ARMCX4: variants seen among roughly 807,000 people sequenced by gnomAD.
The protein encoded by ARMCX4 is armadillo repeat-containing X-linked protein 4.
A neutral mutation model predicts 34.7 loss-of-function variants in ARMCX4; 3 were observed. The observed-to-expected ratio is 0.09, with a 90% CI of 0.04 to 0.22. The LOEUF (loss-of-function observed/expected upper bound fraction) is 0.22, where lower values mean the gene tolerates loss of function less well. ARMCX4 is among the 10% of genes least tolerant of loss of function. ARMCX4 has a pLI of 1.00. For synonymous variants in ARMCX4, 513 were observed against 632.8 expected, an observed-to-expected ratio of 0.81 and a Z score of 2.84; for missense variants, 1,448 against 1,720.8, an observed-to-expected ratio of 0.84 and a Z score of 2.81.
At position 101,488,994 on chromosome X, in the gene ARMCX4, C is replaced by G. The variant is rs1556007721; in HGVS notation, c.405C>G (p.Val135=). 1 of 1,156,069 alleles carries G rather than the reference C, an allele frequency of 8.6e-7. No homozygotes were observed. The highest frequency in any genetic ancestry group is 1.1e-6 in the Non-Finnish European group (1 of 873,000). ...CAGAGGCAGTGACTCTGACTGAGGTCAAGGCCAAAGCCAGGGAAGTGGCCA... is the reference window on the plus strand; with the variant it reads ...CAGAGGCAGTGACTCTGACTGAGGTGAAGGCCAAAGCCAGGGAAGTGGCCA... ...VMTEAVTLTE[V]KAKAREVAMK... is the part of the protein sequence containing the mutation. The change falls in exon 6 of 6, where the codon GTC becomes GTG. Residue 135 remains valine (V), a synonymous_variant. Transcript: ENST00000423738.
chrX:101,420,821 A>G (rs782411100), intron 2 of ARMCX4, among the ~76,000 whole-genome samples: 21 of 112,645 alleles, frequency 1.9e-4, no homozygotes, highest in African/African-American at 4.2e-4. Context: ...CTTACAAGCC[A>G]TCTTAAGCCA....
chrX:101,524,719 A>G (rs1309321886), intron 11 of ARMCX4, among the ~76,000 whole-genome samples: 1 of 111,609 alleles, frequency 9.0e-6, no homozygotes, highest in Middle Eastern at 4.2e-3. Flanking sequence ...CTAGTGCAGC[A>G]GTCCGAGAGC....
At chrX:101,455,098 G>C (rs1488937243) in intron 4 of ARMCX4, among the ~76,000 whole-genome samples, 1 of 111,589 alleles carries the variant, frequency 9.0e-6, no homozygotes, top group Non-Finnish European at 1.9e-5. Flanking sequence ...CAGTGGGAAA[G>C]AAGAGATTTG....
intron 4 of ARMCX4, among the ~76,000 whole-genome samples, chrX:101,470,622 G>A (rs138075790): frequency 0.031 from 3,486 of 111,752 alleles, 150 homozygotes; most frequent in African/African-American, 0.11. Flanking sequence ...CTGGGCCAGC[G>A]TACTGTTTTT....
At position 101,440,062 on chromosome X, in the gene ARMCX4, A is replaced by C. The variant is rs782029825; in HGVS notation, n.165-3990A>C. On this transcript the variant is annotated intron_variant and non_coding_transcript_variant, in intron 2 of 3. Transcript: ENST00000430461. ...GAGGAGGAGAGGCGCTCTGATTTTTAGAGTTTCCAGTTTTTCTGCTCTGTT... is the reference window on the plus strand; with the variant it reads ...GAGGAGGAGAGGCGCTCTGATTTTTCGAGTTTCCAGTTTTTCTGCTCTGTT... Among the ~76,000 whole-genome samples the C allele has an allele frequency of 7.2e-5, 8 of 111,384 alleles. No individual in the cohort carries two copies. The East Asian group carries it at 2.3e-3, about 32-fold the overall frequency.
chrX:101,440,961 G>A (rs1239661559), intron 2 of ARMCX4, among the ~76,000 whole-genome samples: 14 of 110,677 alleles, frequency 1.3e-4, no homozygotes, highest in African/African-American at 6.6e-5. Flanking sequence ...GCTCATGCTC[G>A]GTGTGCTGCA....
chrX:101,530,282 A>T (rs1403039302), intron 11 of ARMCX4, among the ~76,000 whole-genome samples: 35 of 111,510 alleles, frequency 3.1e-4, no homozygotes, highest in Non-Finnish European at 5.8e-4. Flanking sequence ...GGAATTGAAC[A>T]ATGAGAACAC....
Position 101,493,502 on chromosome X carries a change from C to T in ARMCX4, c.4913C>T (p.Thr1638Ile), listed in dbSNP as rs782408083. 49 of 1,153,249 alleles carry T rather than the reference C, an allele frequency of 4.2e-5. No homozygotes were observed. The African/African-American group carries it at 7.4e-4, about 17-fold the overall frequency. The change falls in exon 6 of 6, where the codon ACT becomes ATT. Residue 1638 changes from threonine to isoleucine, a missense_variant. Around this residue, in one of 2 missense-constraint regions of ARMCX4, gnomAD observed 1,343 missense variants for 1,540.7 expected, o/e 0.87. Transcript: ENST00000423738. ...TCCAGTGGTGGGTCCTGGGCTGGCA[C>T]TGGGAATCAGTCCAGTGGAAGGTCC... ...DQSSGGSWAG[T>I]GNQSSGRSWI... is the part of the protein sequence containing the mutation.
chrX:101,499,824 C>T (rs1238554996), downstream of ARMCX4, among the ~76,000 whole-genome samples: 1 of 111,577 alleles, frequency 9.0e-6, no homozygotes, highest in African/African-American at 3.3e-5. Flanking sequence ...AAATAGGCAG[C>T]CAACAATCTG....
In ARMCX4 at chrX:101,492,980, T is replaced by C; in HGVS notation, c.4391T>C (p.Ile1464Thr). ...GHPASVGPKP[I>T]FEDQVSGRGS... ...CCAGCTAGTGTTGGGCCAAAGCCTA[T>C]ATTTGAGGATCAGGTCAGTGGCAGA... Residue 1464 changes from isoleucine to threonine, a missense_variant, in exon 6 of 6, where the codon ATA (isoleucine) becomes ACA (threonine). Physicochemically the swap from Ile to Thr is moderately conservative, Grantham distance 89. Transcript: ENST00000423738. 7.8e-6 allele frequency: 9 copies of C among 1,151,072 alleles called. No homozygotes were observed. The highest frequency in any genetic ancestry group is 1.0e-5 in the Non-Finnish European group (9 of 870,996). 94.9% of individuals were successfully genotyped at this position (1,151,072 alleles called of 1,213,427 possible). A position where few individuals can be genotyped will look rare whatever the true frequency, so the allele number is the denominator to read the frequency against.
In ARMCX4 at chrX:101,513,884, A is replaced by G. The variant is rs782230126; in HGVS notation, c.*1780+2829A>G. On this transcript the variant is annotated intron_variant and NMD_transcript_variant, in intron 11 of 12. Transcript: ENST00000354842. ...AACACTAAGGGGTATTAGTACCAGT[A>G]CTAATACTAGTGGATATTAGTACTA... Among the ~76,000 whole-genome samples the G allele has an allele frequency of 3.3e-4, 37 of 110,617 alleles. No individual in the cohort carries two copies. The South Asian group carries it at 0.014, about 42-fold the overall frequency.
chrX:101,457,915 G>A (rs1932387851), intron 4 of ARMCX4, among the ~76,000 whole-genome samples: 1 of 109,733 alleles, frequency 9.1e-6, no homozygotes, highest in Non-Finnish European at 1.9e-5. Context: ...GCTATTTTTT[G>A]TATTTTAGTA....
At chrX:101,511,977 C>G (rs781993365) in intron 11 of ARMCX4, among the ~76,000 whole-genome samples, 7 of 110,616 alleles carry the variant, frequency 6.3e-5, no homozygotes, top group Admixed American at 4.8e-4. Flanking sequence ...AAGTTCAGAC[C>G]TTTTCTGGTT....
chrX:101,433,006 A>ATATACACACATATATATACATACACGTG, intron 2 of ARMCX4, among the ~76,000 whole-genome samples: 1 of 47,395 alleles, frequency 2.1e-5, no homozygotes, highest in Non-Finnish European at 5.5e-5. Flanking sequence ...ATATATGTGT[A>ATATACACACATATATATACATACACGTG]TATATACACA....
chrX:101,471,653 A>AC (rs1932909589), intron 4 of ARMCX4, among the ~76,000 whole-genome samples: 1 of 111,504 alleles, frequency 9.0e-6, no homozygotes, highest in Admixed American at 9.5e-5. Context: ...CTGACCCCTG[A>AC]CCCTGGAGCA....
chrX:101,459,457 T>TCTATAATAGCTATGTAGCTATAATAG (rs1315798483), intron 4 of ARMCX4, among the ~76,000 whole-genome samples: 3 of 111,838 alleles, frequency 2.7e-5, no homozygotes, highest in Admixed American at 9.5e-5. Context: ...CCAGATGCTA[T>TCTATAATAGCTATGTAGCTATAATAG]CTATAATAGC....
At chrX:101,480,123 G>GACACACACACACAC (rs57237822) in intron 4 of ARMCX4, among the ~76,000 whole-genome samples, 1 of 76,702 alleles carries the variant, frequency 1.3e-5, no homozygotes, top group Non-Finnish European at 2.6e-5. Flanking sequence ...AGGATTTGGA[G>GACACACACACACAC]ACACACACAC....
chrX:101,512,712 T>A (rs915914002), intron 11 of ARMCX4, among the ~76,000 whole-genome samples: 2 of 107,833 alleles, frequency 1.9e-5, no homozygotes, highest in East Asian at 5.8e-4. Flanking sequence ...GTATTAGGAC[T>A]CTCTAGAGAA....
intron 11 of ARMCX4, among the ~76,000 whole-genome samples, chrX:101,529,372 TA>T (rs782531325): frequency 0.019 from 2,165 of 111,581 alleles, 26 homozygotes; most frequent in South Asian, 0.042. Flanking sequence ...CCTAAAACCA[TA>T]AAAACCCTAG....
Sources: allele counts gnomAD v4.1 joint callset (sites outside exome capture counted in the v4.1 genomes callset), GRCh38; gene constraint gnomAD v4.1.1; regional missense constraint gnomAD v4.1.1; transcripts MANE v1.5; gene names NCBI Gene and HGNC (gene_info 2026-07-23, HGNC 2026-07-21).